Variants in GUCY1A2 observed in about 807,000 individuals in gnomAD.
GUCY1A2 encodes the protein guanylate cyclase 1 soluble subunit alpha 2, also known as guanylate cyclase soluble subunit alpha-2.
In GUCY1A2, 27 loss-of-function variants were observed where a neutral mutation model predicts 63.5. That is an observed-to-expected ratio of 0.43 (90% CI 0.31 to 0.59). The LOEUF (loss-of-function observed/expected upper bound fraction) is 0.59, where lower values mean the gene tolerates loss of function less well. Ranked by LOEUF, GUCY1A2 falls within the 20% of genes least tolerant of loss-of-function variation. The pLI is 0.11. For synonymous variants in GUCY1A2, 364 were observed against 343.5 expected (o/e 1.06, Z -0.66); for missense variants, 768 against 913.3 (o/e 0.84, Z 2.05).
intron 1 of GUCY1A2, among the ~76,000 whole-genome samples, chr11:106,994,849 T>C (rs1317815556): frequency 1.3e-5 from 2 of 152,114 alleles, no homozygotes; most frequent in Non-Finnish European, 2.9e-5. Flanking sequence ...GGAATGAAAA[T>C]GAGATTGTTG....
intron 4 of GUCY1A2, among the ~76,000 whole-genome samples, chr11:106,886,158 T>C (rs576484784): frequency 1.5e-4 from 23 of 152,284 alleles, no homozygotes; most frequent in African/African-American, 5.3e-4. Flanking sequence ...GCCCCTCTTA[T>C]AGCTAAGCAA....
At chr11:106,747,754 T>G (rs1863815030) in intron 6 of GUCY1A2, among the ~76,000 whole-genome samples, 1 of 152,196 alleles carries the variant, frequency 6.6e-6, no homozygotes. Context: ...TGAGACAGAT[T>G]TACAGGAGTG....
chr11:106,687,745 C>T lies in GUCY1A2; in HGVS notation c.2003G>A (p.Arg668Gln), dbSNP rs1202007346. Residue 668 changes from arginine to glutamine, a missense_variant, in exon 8 of 8, where the codon CGA becomes CAA. By Grantham distance (43) the Arg-to-Gln change is conservative. This residue lies in a region of GUCY1A2 where 150 missense variants were observed against 188.3 expected (regional missense o/e 0.80). Coordinates refer to ENST00000526355, the MANE Select transcript of GUCY1A2 (RefSeq NM_000855.3). ...VSPTTYQLLK[R>Q]EESFTFIPRS... ...CGGAATGAATGTGAAACTTTCTTCTCGTTTTAATAATCTAAGAAGAAAATA... is the reference window on the plus strand; with the variant it reads ...CGGAATGAATGTGAAACTTTCTTCTTGTTTTAATAATCTAAGAAGAAAATA... 30 of 1,605,764 alleles carry T rather than the reference C, an allele frequency of 1.9e-5. No individual in the cohort carries two copies. The highest frequency in any genetic ancestry group is 1.6e-4 in the Middle Eastern group (1 of 6,070).
chr11:106,827,928 G>T (rs1224506077), intron 4 of GUCY1A2: 2 of 1,241,244 alleles, frequency 1.6e-6, no homozygotes, highest in African/African-American at 3.0e-5. Context: ...ATATCGCGGC[G>T]GAACAGCGAG....
chr11:106,997,033 T>A (rs980366226), intron 1 of GUCY1A2, among the ~76,000 whole-genome samples: 1 of 152,200 alleles, frequency 6.6e-6, no homozygotes, highest in African/African-American at 2.4e-5. Flanking sequence ...GGCAGAAGAT[T>A]AATACTGCAT....
At position 106,902,230 on chromosome 11, in the gene GUCY1A2, C is replaced by T. The variant is rs561705369; in HGVS notation, c.1206+37230G>A. ...TTTGAAAGGAATCTCTTTTACTGAG[C>T]GGTAAGTCTTAAAGCTTGGCTTAAA... On this transcript the variant is annotated intron_variant, in intron 4 of 7. Coordinates refer to ENST00000526355, the MANE Select transcript of GUCY1A2 (RefSeq NM_000855.3). Among the ~76,000 whole-genome samples the T allele has an allele frequency of 2.1e-4, 32 of 152,230 alleles. No individual in the cohort carries two copies. In the Middle Eastern group the frequency reaches 0.01, roughly 49 times the overall value.
At chr11:106,808,219 A>T (rs1858717404) in intron 5 of GUCY1A2, among the ~76,000 whole-genome samples, 1 of 147,576 alleles carries the variant, frequency 6.8e-6, no homozygotes, top group Admixed American at 6.8e-5. Context: ...AATTTCCTAA[A>T]CAAGTTTAGT....
At chr11:106,980,275 G>A (rs1015899763) in intron 2 of GUCY1A2, among the ~76,000 whole-genome samples, 2 of 152,212 alleles carry the variant, frequency 1.3e-5, no homozygotes, top group African/African-American at 4.8e-5. Flanking sequence ...GAGGCTGCCA[G>A]CCAGGGACAG....
chr11:106,747,431 C>G (rs1327539349), intron 6 of GUCY1A2, among the ~76,000 whole-genome samples: 2 of 152,188 alleles, frequency 1.3e-5, no homozygotes, highest in Non-Finnish European at 2.9e-5. Context: ...CACCAATTGA[C>G]TTGACAATGA....
At chr11:106,750,172 A>G (rs1203366393) in intron 6 of GUCY1A2, among the ~76,000 whole-genome samples, 1 of 152,232 alleles carries the variant, frequency 6.6e-6, no homozygotes, top group South Asian at 2.1e-4. Context: ...AAGCCAATGA[A>G]CATGGAGTCT....
Position 106,810,142 on chromosome 11 carries a change from T to C in GUCY1A2, c.1543A>G (p.Arg515Gly). Reference protein sequence around the residue: ...QLWQGQQVQARKFDDVTMLFS... With the variant: ...QLWQGQQVQAGKFDDVTMLFS... Reference sequence around the variant, plus strand: ...AGCATGGTGACATCATCAAACTTTCTGGCCTGTACTTGCTGCCCTTGCCAT... The same window carrying C: ...AGCATGGTGACATCATCAAACTTTCCGGCCTGTACTTGCTGCCCTTGCCAT... The change falls in exon 5 of 8, where the codon AGA becomes GGA. Residue 515 changes from arginine to glycine, a missense_variant. Around this residue, in one of 3 missense-constraint regions of GUCY1A2, gnomAD observed 122 missense variants for 238.1 expected, o/e 0.51. Coordinates refer to ENST00000526355, the MANE Select transcript of GUCY1A2 (RefSeq NM_000855.3). 1 of 1,614,030 alleles carries C rather than the reference T, an allele frequency of 6.2e-7. No homozygotes were observed. The highest frequency in any genetic ancestry group is 8.5e-7 in the Non-Finnish European group (1 of 1,179,928).
At chr11:107,016,460 G>A (rs921177795) in intron 1 of GUCY1A2, among the ~76,000 whole-genome samples, 1 of 152,226 alleles carries the variant, frequency 6.6e-6, no homozygotes, top group Admixed American at 6.5e-5. Context: ...AAAAGCCAAG[G>A]GTAGCTGAAA....
intron 6 of GUCY1A2, among the ~76,000 whole-genome samples, chr11:106,735,667 T>C (rs1863576862): frequency 6.6e-6 from 1 of 152,148 alleles, no homozygotes; most frequent in Non-Finnish European, 1.5e-5. Flanking sequence ...GATTGCTGGA[T>C]CATATGGTAG....
intron 4 of GUCY1A2, among the ~76,000 whole-genome samples, chr11:106,907,479 T>A (rs1485903500): frequency 6.6e-6 from 1 of 152,014 alleles, no homozygotes; most frequent in African/African-American, 2.4e-5. Context: ...TATGTATACA[T>A]GTGCCATGCT....
At chr11:106,854,506 G>A (rs1859400202) in intron 4 of GUCY1A2, among the ~76,000 whole-genome samples, 1 of 152,120 alleles carries the variant, frequency 6.6e-6, no homozygotes, top group Non-Finnish European at 1.5e-5. Context: ...GTGGTGAGAA[G>A]GATGGGCTGA....
chr11:106,827,317 A>C, intron 4 of GUCY1A2: 1 of 1,555,722 alleles, frequency 6.4e-7, no homozygotes. Context: ...CTTTGAAGTC[A>C]AGAATTCAGC....
chr11:106,971,013 G>A lies in GUCY1A2; in HGVS notation c.487+7606C>T, dbSNP rs1397041655. On this transcript the variant is annotated intron_variant, in intron 3 of 7. Coordinates refer to ENST00000526355, the MANE Select transcript of GUCY1A2 (RefSeq NM_000855.3). Reference sequence around the variant, plus strand: ...TACATTTATATGACACTCTGGTGAAGGCAAAACTATAGCATGGCAAACAGA... The same window carrying A: ...TACATTTATATGACACTCTGGTGAAAGCAAAACTATAGCATGGCAAACAGA... Among the ~76,000 whole-genome samples the A allele has an allele frequency of 2.0e-5, 3 of 152,230 alleles. No individual in the cohort carries two copies. In the East Asian group the frequency reaches 5.8e-4, roughly 29 times the overall value.
At chr11:106,776,034 A>AT (rs1864351379) in intron 6 of GUCY1A2, among the ~76,000 whole-genome samples, 1 of 152,198 alleles carries the variant, frequency 6.6e-6, no homozygotes, top group African/African-American at 2.4e-5. Context: ...TTCACAAGGA[A>AT]TACCTGTATA....
chr11:106,790,457 C>T (rs1318831168), intron 5 of GUCY1A2, among the ~76,000 whole-genome samples: 3 of 152,222 alleles, frequency 2.0e-5, no homozygotes, highest in Non-Finnish European at 4.4e-5. Context: ...AATCAGGAAC[C>T]TCAATGGCCT....
Sources: allele counts gnomAD v4.1 joint callset (sites outside exome capture counted in the v4.1 genomes callset), GRCh38; gene constraint gnomAD v4.1.1; regional missense constraint gnomAD v4.1.1; transcripts MANE v1.5; gene names NCBI Gene and HGNC (gene_info 2026-07-23, HGNC 2026-07-21).